Variants in MACROD1 observed in about 807,000 individuals in gnomAD.
MACROD1 encodes the protein mono-ADP ribosylhydrolase 1, also known as ADP-ribose glycohydrolase MACROD1.
Under a neutral mutation model 41.4 loss-of-function variants are expected in MACROD1, and 31 were observed. The ratio of observed to expected loss-of-function variants is 0.75; its 90% CI spans 0.56 to 1.01. The LOEUF is 1.01. MACROD1 is among the 50% of genes least tolerant of loss of function. The probability of loss-of-function intolerance (pLI) is 0.00; values close to 1 mark genes in which losing one functional copy is unlikely to be tolerated. For missense variants in MACROD1, 473 were observed against 460.0 expected, an observed-to-expected ratio of 1.03 and a Z score of -0.26; for synonymous variants, 252 against 203.4, an observed-to-expected ratio of 1.24 and a Z score of -2.03.
rs534765350 is a variant in MACROD1, at chr11:64,060,834, C to G, written c.518-45553G>C. 2.9e-4 allele frequency among the ~76,000 whole-genome samples: 44 copies of G among 152,302 alleles called. 1 individual carries two copies. Among genetic ancestry groups the G allele is most frequent in the African/African-American group, 8.7e-4 (36 of 41,580 alleles). On this transcript the variant is annotated intron_variant, in intron 3 of 10. Transcript: ENST00000255681. The stretch of plus-strand genomic sequence containing the variant: ...TGCAGCCCCCGGGTCGCCCGGGTCC[C>G]GGAGCCGGCGGGTGTGAACGGGGCC...
intron 4 of MACROD1, among the ~76,000 whole-genome samples, chr11:64,009,755 T>C (rs1942971177): frequency 6.6e-6 from 1 of 152,174 alleles, no homozygotes; most frequent in Admixed American, 6.5e-5. Flanking sequence ...TCTCACTGCA[T>C]TGGGGGTGCC....
chr11:64,093,769 C>G (rs1944530457), intron 3 of MACROD1, among the ~76,000 whole-genome samples: 1 of 152,238 alleles, frequency 6.6e-6, no homozygotes, highest in South Asian at 2.1e-4. Flanking sequence ...GAGCCCAGAA[C>G]AGAACAGTGT....
At chr11:64,077,545 G>C (rs979086188) in intron 3 of MACROD1, among the ~76,000 whole-genome samples, 1 of 152,074 alleles carries the variant, frequency 6.6e-6, no homozygotes, top group Non-Finnish European at 1.5e-5. Flanking sequence ...GGTGAGGGGC[G>C]GGGCAGGGGG....
intron 3 of MACROD1, among the ~76,000 whole-genome samples, chr11:64,080,437 G>A (rs2134489058): frequency 6.6e-6 from 1 of 152,232 alleles, no homozygotes; most frequent in South Asian, 2.1e-4. Context: ...TATTTACAAG[G>A]TTGTGCAACC....
chr11:64,032,449 G>A (rs1321887217), intron 3 of MACROD1, among the ~76,000 whole-genome samples: 1 of 152,114 alleles, frequency 6.6e-6, no homozygotes, highest in Non-Finnish European at 1.5e-5. Flanking sequence ...GGGCTCCAGA[G>A]AGGGTAGATG....
intron 4 of MACROD1, among the ~76,000 whole-genome samples, chr11:64,009,402 G>A (rs1344050239): frequency 6.6e-6 from 1 of 151,944 alleles, no homozygotes; most frequent in Non-Finnish European, 1.5e-5. Context: ...CCCCTGGGGG[G>A]CCCGTCCATC....
At chr11:64,136,689 C>T (rs548600053) in intron 3 of MACROD1, among the ~76,000 whole-genome samples, 4 of 152,342 alleles carry the variant, frequency 2.6e-5, no homozygotes, top group East Asian at 1.9e-4. Flanking sequence ...GTGAGGGACC[C>T]GGGTGGCTTC....
chr11:64,136,649 A>T (rs910675663), intron 3 of MACROD1, among the ~76,000 whole-genome samples: 4 of 152,204 alleles, frequency 2.6e-5, no homozygotes, highest in Non-Finnish European at 5.9e-5. Flanking sequence ...CCCACCGGAG[A>T]GGGTCAGAGG....
chr11:64,027,750 G>A (rs12420724), intron 3 of MACROD1, among the ~76,000 whole-genome samples: 11,990 of 152,034 alleles, frequency 0.079, 634 homozygotes, highest in Non-Finnish European at 0.11. Context: ...CACTACACTC[G>A]GCCTACAATT....
intron 3 of MACROD1, among the ~76,000 whole-genome samples, chr11:64,068,546 G>A (rs868805614): frequency 4.3e-4 from 66 of 152,198 alleles, no homozygotes; most frequent in African/African-American, 1.5e-3. Context: ...ATTTACTGCC[G>A]ATTACTCTTA....
chr11:64,076,443 T>C (rs929369256), intron 3 of MACROD1, among the ~76,000 whole-genome samples: 13 of 151,714 alleles, frequency 8.6e-5, no homozygotes, highest in South Asian at 2.1e-4. Flanking sequence ...ACTGGATGGA[T>C]GGATGGACGG....
chr11:64,063,798 G>T (rs1331723027), intron 3 of MACROD1, among the ~76,000 whole-genome samples: 1 of 152,206 alleles, frequency 6.6e-6, no homozygotes, highest in Non-Finnish European at 1.5e-5. Context: ...GGCCCCAAAT[G>T]AGACAGCCGA....
intron 3 of MACROD1, among the ~76,000 whole-genome samples, chr11:64,070,434 A>AGG (rs1008202886): frequency 9.2e-5 from 14 of 152,212 alleles, no homozygotes; most frequent in African/African-American, 3.4e-4. Flanking sequence ...GGCCTCCGGG[A>AGG]GGGACTGCAA....
At chr11:64,054,202 C>T (rs1057479748) in intron 3 of MACROD1, among the ~76,000 whole-genome samples, 15 of 152,178 alleles carry the variant, frequency 9.9e-5, no homozygotes, top group African/African-American at 3.6e-4. Context: ...TCCCTGGGGA[C>T]GTCTTTAGGT....
At chr11:64,006,532 T>C (rs1942917029) in intron 4 of MACROD1, among the ~76,000 whole-genome samples, 1 of 152,166 alleles carries the variant, frequency 6.6e-6, no homozygotes, top group African/African-American at 2.4e-5. Context: ...TAAATGGGGA[T>C]TTGAAAACAT....
At position 64,165,709 on chromosome 11, in the gene MACROD1, T is replaced by C. The variant is rs753924816; in HGVS notation, c.286A>G (p.Lys96Glu). 10 of 1,464,008 alleles carry C rather than the reference T, an allele frequency of 6.8e-6. No homozygotes were observed. The highest frequency in any genetic ancestry group is 8.1e-6 in the Non-Finnish European group (9 of 1,105,684). The allele number at this position is 1,464,008 out of a possible 1,614,324, so 90.7% of individuals were successfully genotyped here. Residue 96 changes from lysine (K) to glutamate (E), a missense_variant, in exon 1 of 11, where the codon AAG becomes GAG. Physicochemically the swap from Lys to Glu is moderately conservative, Grantham distance 56. Coordinates refer to ENST00000255681, the MANE Select transcript of MACROD1 (RefSeq NM_014067.4). ...KVDLSTSTDWKEAKSFLKGLS... is the reference protein window; with the variant it reads ...KVDLSTSTDWEEAKSFLKGLS... Reference sequence around the variant, plus strand: ...TGCTTACACTTACATTTCGCCTCCTTCCAGTCGGTGGAGGTGCTCAGGTCC... The same window carrying C: ...TGCTTACACTTACATTTCGCCTCCTCCCAGTCGGTGGAGGTGCTCAGGTCC...
At chr11:64,116,350 C>T (rs1944980227) in intron 3 of MACROD1, 2 of 1,612,756 alleles carry the variant, frequency 1.2e-6, no homozygotes, top group Non-Finnish European at 1.7e-6. Context: ...ACCACGGCCA[C>T]CATGGACCTG....
intron 3 of MACROD1, among the ~76,000 whole-genome samples, chr11:64,101,318 C>T (rs1944667050): frequency 1.3e-5 from 2 of 152,130 alleles, no homozygotes; most frequent in African/African-American, 2.4e-5. Context: ...AGCTATGGGA[C>T]GCTCTCAGGA....
In MACROD1 at chr11:64,117,453, G is replaced by A. The variant is rs555254695; in HGVS notation, c.517+33786C>T. 42 of 1,613,022 alleles carry A rather than the reference G, an allele frequency of 2.6e-5. No individual in the cohort carries two copies. The East Asian group carries it at 8.5e-4, about 33-fold the overall frequency. ...GGCCAATGCGGCTGCCAAGACCACG[G>A]CCAGCAACCACGCCTCTGCCACCAC... On this transcript the variant is annotated intron_variant, in intron 3 of 10. Coordinates refer to ENST00000255681, the MANE Select transcript of MACROD1 (RefSeq NM_014067.4).
Sources: gnomAD v4.1 joint callset for allele counts (sites outside exome capture counted in the v4.1 genomes callset) on GRCh38, gnomAD v4.1.1 for gene constraint, MANE v1.5 for transcripts, NCBI Gene and HGNC (gene_info 2026-07-23, HGNC 2026-07-21) for gene names.